Variants in WWOX observed in about 807,000 individuals in gnomAD.
WWOX encodes WW domain-containing oxidoreductase.
A neutral mutation model predicts 46.2 loss-of-function variants in WWOX; 69 were observed. The ratio of observed to expected loss-of-function variants is 1.49; its 90% CI spans 1.23 to 1.82. The LOEUF is 1.82. Among genes scored for constraint, WWOX ranks in the 40% most tolerant of loss-of-function variants. The probability of loss-of-function intolerance (pLI) is 0.00; values close to 1 mark genes in which losing one functional copy is unlikely to be tolerated. For missense variants in WWOX, 919 were observed against 542.6 expected, an observed-to-expected ratio of 1.69 and a Z score of -6.89; for synonymous variants, 359 against 202.6, an observed-to-expected ratio of 1.77 and a Z score of -6.56.
At chr16:79,082,760 G>C (rs185808238) in intron 8 of WWOX, among the ~76,000 whole-genome samples, 15 of 152,274 alleles carry the variant, frequency 9.9e-5, no homozygotes, top group Non-Finnish European at 1.5e-5. Flanking sequence ...GAGAAGGGAC[G>C]TGTAGGGAAG....
rs375035261 is a variant in WWOX, at chr16:78,406,170, A to G, written c.606-18700A>G. 3.0e-4 allele frequency among the ~76,000 whole-genome samples: 45 copies of G among 151,336 alleles called. 5 individuals are homozygous for G. Among genetic ancestry groups the G allele is most frequent in the Admixed American group, 2.2e-3 (33 of 15,148 alleles). ...CCAACTATATCGTCATTTTTGCAAA[A>G]TCACTGCGTCAGTTTACTATTATTT... On this transcript the variant is annotated intron_variant, in intron 6 of 8. Coordinates refer to ENST00000566780, the MANE Select transcript of WWOX (RefSeq NM_016373.4).
At chr16:78,210,461 A>G (rs1396438734) in intron 5 of WWOX, among the ~76,000 whole-genome samples, 1 of 152,198 alleles carries the variant, frequency 6.6e-6, no homozygotes. Context: ...TAATTTACCC[A>G]CAGTTGAAAC....
intron 6 of WWOX, among the ~76,000 whole-genome samples, chr16:78,410,892 G>A (rs2082665501): frequency 6.6e-6 from 1 of 151,532 alleles, no homozygotes; most frequent in Non-Finnish European, 1.5e-5. Flanking sequence ...ATGCATGGCT[G>A]TTGGCAGAGG....
At chr16:78,324,420 G>A (rs2080563096) in intron 5 of WWOX, among the ~76,000 whole-genome samples, 1 of 152,052 alleles carries the variant, frequency 6.6e-6, no homozygotes, top group Non-Finnish European at 1.5e-5. Flanking sequence ...ATATGACCTA[G>A]CAATTCCACT....
chr16:78,791,828 C>T (rs559817442), intron 8 of WWOX, among the ~76,000 whole-genome samples: 11 of 152,120 alleles, frequency 7.2e-5, no homozygotes, highest in South Asian at 6.2e-4. Context: ...TGCAGTGAGC[C>T]GAGATCGCGC....
chr16:78,786,007 A>G (rs1365005910), intron 8 of WWOX, among the ~76,000 whole-genome samples: 2 of 152,150 alleles, frequency 1.3e-5, no homozygotes, highest in Non-Finnish European at 2.9e-5. Flanking sequence ...CCTGGGTTCA[A>G]GCGATTCTCA....
chr16:78,793,249 C>T (rs572697711), intron 8 of WWOX, among the ~76,000 whole-genome samples: 2 of 152,048 alleles, frequency 1.3e-5, no homozygotes, highest in Admixed American at 6.5e-5. Context: ...TTTGTAGAGA[C>T]GGTGTTTTGC....
At chr16:79,004,604 C>T in intron 8 of WWOX, 1 of 152,344 alleles carries the variant, frequency 6.6e-6, no homozygotes, top group South Asian at 2.1e-4. Flanking sequence ...CCTGTTCAAC[C>T]CTCTTAAATA....
chr16:78,353,635 C>T (rs778730820), intron 5 of WWOX, among the ~76,000 whole-genome samples: 2 of 152,224 alleles, frequency 1.3e-5, no homozygotes, highest in African/African-American at 4.8e-5. Flanking sequence ...ATTATCTTTG[C>T]CATTACCTGC....
At chr16:78,472,298 C>G (rs181856490) in intron 8 of WWOX, among the ~76,000 whole-genome samples, 1 of 152,152 alleles carries the variant, frequency 6.6e-6, no homozygotes, top group Non-Finnish European at 1.5e-5. Flanking sequence ...AGCCTCTTAT[C>G]TCATAAGCCA....
chr16:78,196,102 G>A (rs115309255), intron 5 of WWOX, among the ~76,000 whole-genome samples: 23 of 152,224 alleles, frequency 1.5e-4, no homozygotes, highest in African/African-American at 4.8e-4. Context: ...TTCTGCAGAT[G>A]ATCAAGTGGA....
At chr16:78,189,274 G>A (rs946519793) in intron 5 of WWOX, among the ~76,000 whole-genome samples, 2 of 152,184 alleles carry the variant, frequency 1.3e-5, no homozygotes, top group African/African-American at 2.4e-5. Flanking sequence ...CCTGTGCCAC[G>A]ATGGTCTCCT....
Position 78,796,968 on chromosome 16 carries a change from G to A in WWOX, c.1056+364216G>A, listed in dbSNP as rs140073557. ...AGCCTTCCAAGTAGCTGGGATTATA[G>A]GCATGAGCCACCATGCCTGGCTAAT... On this transcript the variant is annotated intron_variant, in intron 8 of 8. Transcript: ENST00000566780. Among the ~76,000 whole-genome samples the A allele has an allele frequency of 2.2e-3, 334 of 152,152 alleles. 2 individuals carry two copies. Among genetic ancestry groups the A allele is most frequent in the Non-Finnish European group, 4.0e-3 (270 of 68,018 alleles).
At chr16:79,178,127 C>G (rs1233501415) in intron 8 of WWOX, among the ~76,000 whole-genome samples, 2 of 152,168 alleles carry the variant, frequency 1.3e-5, no homozygotes, top group Non-Finnish European at 1.5e-5. Context: ...ATTGGAGATT[C>G]CTTTTCAACG....
intron 5 of WWOX, among the ~76,000 whole-genome samples, chr16:78,256,182 A>G (rs1395787462): frequency 2.7e-5 from 4 of 147,232 alleles, no homozygotes; most frequent in African/African-American, 5.0e-5. Context: ...AAAGTAACTC[A>G]TTCAAGGCTA....
At chr16:79,039,606 T>C (rs2047933442) in intron 8 of WWOX, among the ~76,000 whole-genome samples, 1 of 152,240 alleles carries the variant, frequency 6.6e-6, no homozygotes, top group East Asian at 1.9e-4. Context: ...GCGAGGGTTT[T>C]GCCTTCCTAC....
chr16:78,954,528 C>G (rs2046126156), intron 8 of WWOX, among the ~76,000 whole-genome samples: 1 of 152,088 alleles, frequency 6.6e-6, no homozygotes, highest in Non-Finnish European at 1.5e-5. Context: ...AGGGAGCTGC[C>G]CAAATGCCCC....
chr16:78,976,789 G>A (rs150708574), intron 8 of WWOX, among the ~76,000 whole-genome samples: 67 of 152,200 alleles, frequency 4.4e-4, no homozygotes, highest in African/African-American at 1.5e-3. Context: ...TTTCCATGAG[G>A]CAGATCTTAG....
chr16:78,235,010 G>T (rs932196133), intron 5 of WWOX, among the ~76,000 whole-genome samples: 1 of 151,604 alleles, frequency 6.6e-6, no homozygotes, highest in East Asian at 1.9e-4. Flanking sequence ...GTAAAGAGGT[G>T]GGGGAGAGGA....
Sources: allele counts gnomAD v4.1 joint callset (sites outside exome capture counted in the v4.1 genomes callset), GRCh38; gene constraint gnomAD v4.1.1; transcripts MANE v1.5; gene names NCBI Gene and HGNC (gene_info 2026-07-23, HGNC 2026-07-21).